The following GRIK2 variants were observed in gnomAD, a reference collection of about 807,000 sequenced individuals.
GRIK2 encodes the protein glutamate receptor ionotropic, kainate 2.
A neutral mutation model predicts 100.3 loss-of-function variants in GRIK2; 32 were observed. The ratio of observed to expected loss-of-function variants is 0.32; its 90% CI spans 0.24 to 0.43. The LOEUF (loss-of-function observed/expected upper bound fraction) is 0.43, where lower values mean the gene tolerates loss of function less well. Among genes scored for constraint, GRIK2 ranks in the 20% least tolerant of loss-of-function variants. The pLI is 1.00. For synonymous variants in GRIK2, 417 were observed against 389.4 expected (o/e 1.07, Z -0.83); for missense variants, 843 against 1,114.9 (o/e 0.76, Z 3.47).
chr6:101,795,058 G>A (rs1043194913), intron 7 of GRIK2, among the ~76,000 whole-genome samples: 1 of 151,888 alleles, frequency 6.6e-6, no homozygotes, highest in Admixed American at 6.6e-5. Context: ...GTAGAGACCA[G>A]GTTTCATCAT....
intron 2 of GRIK2, among the ~76,000 whole-genome samples, chr6:101,441,102 C>T (rs935560163): frequency 1.3e-5 from 2 of 151,852 alleles, no homozygotes; most frequent in African/African-American, 4.8e-5. Flanking sequence ...CTCAAGCTTC[C>T]TAGAGCACTG....
chr6:101,597,632 G>A (rs545053682), intron 2 of GRIK2, among the ~76,000 whole-genome samples: 2 of 151,848 alleles, frequency 1.3e-5, no homozygotes, highest in South Asian at 2.1e-4. Context: ...TTTGTTGAAT[G>A]AATTAATTTA....
chr6:101,526,768 C>T (rs74806147), intron 2 of GRIK2, among the ~76,000 whole-genome samples: 7 of 152,274 alleles, frequency 4.6e-5, no homozygotes, highest in African/African-American at 1.7e-4. Flanking sequence ...TAAACTGATA[C>T]AAAGAAGTAA....
chr6:101,681,338 A>G (rs1441496340), intron 5 of GRIK2, among the ~76,000 whole-genome samples: 1 of 150,930 alleles, frequency 6.6e-6, no homozygotes, highest in Non-Finnish European at 1.5e-5. Context: ...GACCCTCTCA[A>G]CCTCAGCTTC....
chr6:101,552,756 C>CTATT (rs1435484506), intron 2 of GRIK2, among the ~76,000 whole-genome samples: 1 of 152,112 alleles, frequency 6.6e-6, no homozygotes, highest in Non-Finnish European at 1.5e-5. Context: ...ACTCAGCATT[C>CTATT]TATTATAAGC....
chr6:101,924,980 T>C (rs890359305), intron 13 of GRIK2, among the ~76,000 whole-genome samples: 18 of 152,218 alleles, frequency 1.2e-4, no homozygotes, highest in African/African-American at 4.3e-4. Flanking sequence ...CATTATTTCA[T>C]AGATAACCAA....
chr6:101,477,334 A>G (rs907152326), intron 2 of GRIK2, among the ~76,000 whole-genome samples: 27 of 152,204 alleles, frequency 1.8e-4, no homozygotes, highest in Admixed American at 9.2e-4. Flanking sequence ...AGACATCATC[A>G]GAACGGTAAG....
chr6:101,589,707 A>AT (rs1046618318), intron 2 of GRIK2, among the ~76,000 whole-genome samples: 13 of 152,112 alleles, frequency 8.5e-5, no homozygotes, highest in Admixed American at 5.2e-4. Flanking sequence ...ATTGGTTTTT[A>AT]TTTTTTTGAG....
At chr6:101,869,497 T>C (rs1254032637) in intron 11 of GRIK2, among the ~76,000 whole-genome samples, 1 of 151,910 alleles carries the variant, frequency 6.6e-6, no homozygotes, top group Admixed American at 6.6e-5. Context: ...TTGCAAAAGA[T>C]ATGGCCACTG....
intron 4 of GRIK2, among the ~76,000 whole-genome samples, chr6:101,650,113 A>T (rs932876253): frequency 2.0e-5 from 3 of 152,108 alleles, no homozygotes. Flanking sequence ...TCTTTATTAG[A>T]ATGAACTTAG....
At chr6:102,042,327 C>G (rs1770630845) in intron 15 of GRIK2, among the ~76,000 whole-genome samples, 1 of 151,542 alleles carries the variant, frequency 6.6e-6, no homozygotes, top group Non-Finnish European at 1.5e-5. Context: ...CTCTTTCTTT[C>G]CTGCTTAGCT....
chr6:101,745,463 A>T (rs1466013029), intron 7 of GRIK2, among the ~76,000 whole-genome samples: 1 of 152,196 alleles, frequency 6.6e-6, no homozygotes, highest in Non-Finnish European at 1.5e-5. Context: ...CACCTGGCCA[A>T]GTTATACATA....
intron 7 of GRIK2, among the ~76,000 whole-genome samples, chr6:101,735,179 A>G (rs1245333683): frequency 1.3e-5 from 2 of 152,166 alleles, no homozygotes; most frequent in African/African-American, 4.8e-5. Flanking sequence ...ATAGACTTAC[A>G]TGTTGTAACA....
In GRIK2 at chr6:101,396,249, C is replaced by G. The variant is rs560502608; in HGVS notation, c.-294+2412C>G. On this transcript the variant is annotated intron_variant, in intron 1 of 16. Transcript: ENST00000369134. Reference sequence around the variant, plus strand: ...GGGATGTAAATTTAGCATTCCCCCCCCCCCCAGGAAGTGAGTGAGTTTAAT... The same window carrying G: ...GGGATGTAAATTTAGCATTCCCCCCGCCCCCAGGAAGTGAGTGAGTTTAAT... 8.0e-5 allele frequency among the ~76,000 whole-genome samples: 12 copies of G among 149,550 alleles called. No individual in the cohort carries two copies. In the South Asian group the frequency reaches 2.4e-3, roughly 30 times the overall value.
chr6:101,886,539 C>G (rs1226026468), intron 11 of GRIK2, among the ~76,000 whole-genome samples: 1 of 151,026 alleles, frequency 6.6e-6, no homozygotes, highest in African/African-American at 2.4e-5. Context: ...TAATATATTC[C>G]TATATTACAA....
chr6:102,067,081 T>C (rs1376628142), intron 16 of GRIK2, among the ~76,000 whole-genome samples: 1 of 151,736 alleles, frequency 6.6e-6, no homozygotes, highest in Non-Finnish European at 1.5e-5. Flanking sequence ...TCAAAGTATG[T>C]TTAGACTGGC....
chr6:101,570,438 ACTC>A (rs1245013196), intron 2 of GRIK2, among the ~76,000 whole-genome samples: 1 of 151,518 alleles, frequency 6.6e-6, no homozygotes, highest in Non-Finnish European at 1.5e-5. Flanking sequence ...CTCCTTTGTC[ACTC>A]CTCCTATCTT....
chr6:101,672,932 C>T (rs1770551139), intron 4 of GRIK2, among the ~76,000 whole-genome samples: 1 of 152,082 alleles, frequency 6.6e-6, no homozygotes, highest in African/African-American at 2.4e-5. Flanking sequence ...TTGGGTATAT[C>T]CCATTAATGG....
At position 101,836,657 on chromosome 6, in the gene GRIK2, A is replaced by ATTT. The variant is rs1371506983; in HGVS notation, c.1317+18175_1317+18176insTTT. On this transcript the variant is annotated intron_variant, in intron 10 of 16. Transcript: ENST00000369134. ...TATATGTATGTGTATATATATATAT[A>ATTT]TATATTTTTTTTTTTTTTTTTTTTT... Among the ~76,000 whole-genome samples, 179 of 39,464 alleles carry ATTT rather than the reference A, an allele frequency of 4.5e-3. 1 individual carries two copies. The highest frequency in any genetic ancestry group is 5.9e-3 in the African/African-American group (81 of 13,742). The allele number at this position is 39,464 out of a possible 152,430, so 25.9% of individuals were successfully genotyped here. A position where few individuals can be genotyped will look rare whatever the true frequency, so the allele number is the denominator to read the frequency against.
Sources: gnomAD v4.1 joint callset for allele counts (sites outside exome capture counted in the v4.1 genomes callset) on GRCh38, gnomAD v4.1.1 for gene constraint, MANE v1.5 for transcripts, NCBI Gene and HGNC (gene_info 2026-07-23, HGNC 2026-07-21) for gene names.